Variants in SERPINB7 observed in about 807,000 individuals in gnomAD.
SERPINB7 encodes the protein serpin family B member 7.
A neutral mutation model predicts 37.4 loss-of-function variants in SERPINB7; 31 were observed. That is an observed-to-expected ratio of 0.83 (90% CI 0.62 to 1.12). SERPINB7 has a LOEUF of 1.12. Ranked by LOEUF, SERPINB7 falls within the 50% of genes most tolerant of loss-of-function variation. The pLI, the probability that SERPINB7 is intolerant of heterozygous loss-of-function variation, is 0.00. For missense variants in SERPINB7, 521 were observed against 455.3 expected (o/e 1.14, Z -1.31); for synonymous variants, 163 against 166.1 (o/e 0.98, Z 0.14).
chr18:63,781,199 G>T (rs1337789592), intron 1 of SERPINB7, among the ~76,000 whole-genome samples: 3 of 152,066 alleles, frequency 2.0e-5, no homozygotes, highest in Non-Finnish European at 4.4e-5. Flanking sequence ...CCCACAACAT[G>T]CCAGTCCCCA....
intron 7 of SERPINB7, among the ~76,000 whole-genome samples, chr18:63,803,257 C>A (rs905666982): frequency 2.0e-5 from 3 of 151,654 alleles, no homozygotes; most frequent in Non-Finnish European, 4.4e-5. Context: ...AAAAAAAATT[C>A]CAACAGGGTA....
At chr18:63,772,521 A>G (rs2049217198), upstream of SERPINB7, among the ~76,000 whole-genome samples, 2 of 152,226 alleles carry the variant, frequency 1.3e-5, no homozygotes, top group Non-Finnish European at 1.5e-5. Flanking sequence ...TTACTTTTTC[A>G]TGACAAATAA....
upstream of SERPINB7, among the ~76,000 whole-genome samples, chr18:63,774,088 AT>A (rs113847723): frequency 2.9e-4 from 44 of 149,534 alleles, no homozygotes; most frequent in East Asian, 5.9e-4. Context: ...TTGTAGGCTC[AT>A]TTTTTTTTTA....
At chr18:63,757,395 A>G (rs2049128330) in intron 1 of SERPINB7, among the ~76,000 whole-genome samples, 1 of 152,212 alleles carries the variant, frequency 6.6e-6, no homozygotes, top group Admixed American at 6.5e-5. Context: ...GTGAAAATCA[A>G]GAGAGATGCT....
chr18:63,767,624 T>G (rs1413310178), intron 1 of SERPINB7, among the ~76,000 whole-genome samples: 1 of 152,158 alleles, frequency 6.6e-6, no homozygotes, highest in East Asian at 1.9e-4. Context: ...GGTTGTGATG[T>G]ATTATAATTT....
chr18:63,792,346 C>T (rs146131083), intron 2 of SERPINB7, 47 bp from the exon 3 acceptor site: 331 of 1,382,386 alleles, frequency 2.4e-4, no homozygotes, highest in Non-Finnish European at 3.1e-4. Flanking sequence ...AAACTGTTCT[C>T]GTAACCTCTG....
At chr18:63,760,087 T>C (rs191847397) in intron 1 of SERPINB7, among the ~76,000 whole-genome samples, 5 of 152,140 alleles carry the variant, frequency 3.3e-5, no homozygotes, top group Admixed American at 3.3e-4. Context: ...GACAGGAAAA[T>C]GTGGGAAAGT....
intron 7 of SERPINB7, among the ~76,000 whole-genome samples, chr18:63,803,902 C>T (rs924255428): frequency 1.3e-5 from 2 of 152,150 alleles, no homozygotes; most frequent in African/African-American, 4.8e-5. Context: ...CTCCTTTCTC[C>T]CTCTAATGGT....
rs2049587415 is a variant in SERPINB7, at chr18:63,804,552, C to T, written c.1060C>T (p.Leu354=). 2 of 1,613,678 alleles carry T rather than the reference C, an allele frequency of 1.2e-6. No individual in the cohort carries two copies. The highest frequency in any genetic ancestry group is 1.3e-5 in the African/African-American group (1 of 74,872). ...AGAAAAGCAACTCCCTCAGTCCACG[C>T]TGTTTAGAGCTGACCACCCATTCCT... ...IVEKQLPQST[L]FRADHPFLFV... is the part of the protein sequence containing the mutation. The change falls in exon 8 of 8, where the codon CTG becomes TTG. Residue 354 remains leucine, a synonymous_variant. Coordinates refer to ENST00000398019, the MANE Select transcript of SERPINB7 (RefSeq NM_003784.4).
chr18:63,795,603 GA>G (rs905196523), intron 4 of SERPINB7, among the ~76,000 whole-genome samples: 1 of 149,272 alleles, frequency 6.7e-6, no homozygotes, highest in African/African-American at 2.5e-5. Context: ...GAAAAGAAAA[GA>G]AAGTGTGGGT....
At position 63,804,539 on chromosome 18, in the gene SERPINB7, C is replaced by A. The variant is rs1175892680; in HGVS notation, c.1047C>A (p.Leu349=). ...ATGSNIVEKQ[L]PQSTLFRADH... ...GAAGTAATATTGTAGAAAAGCAACT[C>A]CCTCAGTCCACGCTGTTTAGAGCTG... Residue 349 remains leucine (L), a synonymous_variant, in exon 8 of 8, where the codon CTC becomes CTA. Transcript: ENST00000398019. The A allele has an allele frequency of 6.2e-7, 1 of 1,613,806 alleles. No individual in the cohort carries two copies. Among genetic ancestry groups the A allele is most frequent in the Non-Finnish European group, 8.5e-7 (1 of 1,179,882 alleles).
chr18:63,774,293 A>T (rs1273913940), upstream of SERPINB7, among the ~76,000 whole-genome samples: 1 of 152,034 alleles, frequency 6.6e-6, no homozygotes, highest in Admixed American at 6.6e-5. Context: ...AAGAGGCAAA[A>T]TTGCACAAAA....
intron 1 of SERPINB7, among the ~76,000 whole-genome samples, chr18:63,761,989 C>T (rs1455538494): frequency 6.6e-6 from 1 of 152,180 alleles, no homozygotes; most frequent in East Asian, 1.9e-4. Context: ...CTGTGGAAAA[C>T]AGTTTCTAAT....
At chr18:63,757,529 G>A (rs2049128940) in intron 1 of SERPINB7, among the ~76,000 whole-genome samples, 1 of 152,174 alleles carries the variant, frequency 6.6e-6, no homozygotes, top group Non-Finnish European at 1.5e-5. Context: ...GCAAACTCTG[G>A]TCATTGGTCC....
chr18:63,792,418 G>T lies in SERPINB7; in HGVS notation c.194G>T (p.Gly65Val), dbSNP rs762016503. The change falls in exon 3 of 8, where the codon GGA (glycine) becomes GTA (valine). Residue 65 changes from glycine (G) to valine (V), a missense_variant. Transcript: ENST00000398019. ...DKLLHVNTAS[G>V]YGNSSNSQSG... Reference sequence around the variant, plus strand: ...TTGCTTCATGTTAACACTGCCTCAGGATATGGAAACTCTTCTAATAGTCAG... The same window carrying T: ...TTGCTTCATGTTAACACTGCCTCAGTATATGGAAACTCTTCTAATAGTCAG... The T allele has an allele frequency of 2.9e-5, 47 of 1,604,934 alleles. No individual in the cohort carries two copies. In the South Asian group the frequency reaches 5.1e-4, roughly 17 times the overall value.
chr18:63,760,908 G>T (rs2049149812), intron 1 of SERPINB7, among the ~76,000 whole-genome samples: 1 of 152,246 alleles, frequency 6.6e-6, no homozygotes, highest in Admixed American at 6.5e-5. Flanking sequence ...CTCTCATGGA[G>T]AACCTTTGCT....
intron 1 of SERPINB7, among the ~76,000 whole-genome samples, chr18:63,781,788 A>C (rs901300946): frequency 6.6e-6 from 1 of 152,214 alleles, no homozygotes; most frequent in Non-Finnish European, 1.5e-5. Flanking sequence ...AAAATCAGAA[A>C]ATGGTTTTAA....
chr18:63,760,316 A>T (rs149456223), intron 1 of SERPINB7, among the ~76,000 whole-genome samples: 1 of 152,110 alleles, frequency 6.6e-6, no homozygotes, highest in Non-Finnish European at 1.5e-5. Flanking sequence ...ATGATTTAGG[A>T]TATCTGGTGG....
upstream of SERPINB7, among the ~76,000 whole-genome samples, chr18:63,772,804 G>A (rs376355145): frequency 1.4e-4 from 21 of 152,262 alleles, no homozygotes; most frequent in South Asian, 2.3e-3. Context: ...ACAACGTGAT[G>A]AAATGATGTA....
Sources: gnomAD v4.1 joint callset for allele counts (sites outside exome capture counted in the v4.1 genomes callset) on GRCh38, gnomAD v4.1.1 for gene constraint, MANE v1.5 for transcripts, NCBI Gene and HGNC (gene_info 2026-07-23, HGNC 2026-07-21) for gene names.